Variants in CELSR1 observed in about 807,000 individuals in gnomAD.
CELSR1 encodes the protein cadherin EGF LAG seven-pass G-type receptor 1, also known as adhesion G protein-coupled receptor C1.
A neutral mutation model predicts 249.1 loss-of-function variants in CELSR1; 110 were observed. That is an observed-to-expected ratio of 0.44 (90% CI 0.38 to 0.52). CELSR1 has a LOEUF of 0.52. Ranked by LOEUF, CELSR1 falls within the 20% of genes least tolerant of loss-of-function variation. CELSR1 has a pLI of 0.00. For missense variants in CELSR1, 4,109 were observed against 4,296.4 expected (o/e 0.96, Z 1.22); for synonymous variants, 2,113 against 1,900.0 (o/e 1.11, Z -2.92).
intron 1 of CELSR1, among the ~76,000 whole-genome samples, chr22:46,485,544 G>A (rs1453623181): frequency 1.3e-5 from 2 of 152,220 alleles, no homozygotes; most frequent in East Asian, 1.9e-4. Context: ...TGGAGGATCC[G>A]GGAGAGAAGT....
chr22:46,476,921 T>A (rs1333151289), intron 1 of CELSR1, among the ~76,000 whole-genome samples: 1 of 152,226 alleles, frequency 6.6e-6, no homozygotes, highest in Non-Finnish European at 1.5e-5. Flanking sequence ...AATTTTATCG[T>A]ATGTGAGTTT....
intron 1 of CELSR1, among the ~76,000 whole-genome samples, chr22:46,502,433 A>G (rs60044269): frequency 5.9e-4 from 45 of 75,988 alleles, no homozygotes; most frequent in East Asian, 7.4e-4. Context: ...AGGGAAGGGG[A>G]GGGAAGGGTA....
At chr22:46,442,908 G>A (rs545608224) in intron 2 of CELSR1, among the ~76,000 whole-genome samples, 16 of 152,006 alleles carry the variant, frequency 1.1e-4, no homozygotes, top group East Asian at 3.9e-4. Context: ...TGGCTAACAC[G>A]GTGAAACCCC....
intron 2 of CELSR1, among the ~76,000 whole-genome samples, chr22:46,451,288 G>A (rs1426613779): frequency 6.6e-6 from 1 of 152,238 alleles, no homozygotes; most frequent in African/African-American, 2.4e-5. Flanking sequence ...GGAAGGGGGA[G>A]GCCAGGGGAG....
At chr22:46,392,897 C>T (rs945419262) in intron 14 of CELSR1, among the ~76,000 whole-genome samples, 3 of 152,140 alleles carry the variant, frequency 2.0e-5, no homozygotes, top group Admixed American at 6.5e-5. Context: ...GGCAAGTTTT[C>T]GCCAATGCAC....
At position 46,437,752 on chromosome 22, in the gene CELSR1, C is replaced by CA. The variant is rs766527669; in HGVS notation, c.4406+1436dup. On this transcript the variant is annotated intron_variant, in intron 3 of 34. Transcript: ENST00000674500. This position sits in a 1 kb window ranked among gnomAD's most constrained non-coding sequence, Gnocchi z 4.9. ...CTGGCAACAAAGCAAGACTCCGTCTCAAAAAAAAAAAAAAAACTGATGGTT... is the reference window on the plus strand; with the variant it reads ...CTGGCAACAAAGCAAGACTCCGTCTCAAAAAAAAAAAAAAAAACTGATGGTT... 0.04 allele frequency among the ~76,000 whole-genome samples: 4,426 copies of CA among 110,762 alleles called. 203 individuals carry two copies. The highest frequency in any genetic ancestry group is 0.13 in the African/African-American group (3,896 of 29,406). 72.7% of individuals were successfully genotyped at this position (110,762 alleles called of 152,430 possible).
intron 1 of CELSR1, among the ~76,000 whole-genome samples, chr22:46,528,175 C>T (rs2080757234): frequency 6.6e-6 from 1 of 151,854 alleles, no homozygotes; most frequent in Non-Finnish European, 1.5e-5. Flanking sequence ...TGCATCCAGA[C>T]AATGCCTGAA....
chr22:46,438,317 G>A (rs183751493), intron 3 of CELSR1, among the ~76,000 whole-genome samples: 78 of 152,030 alleles, frequency 5.1e-4, no homozygotes, highest in Non-Finnish European at 5.4e-4. Flanking sequence ...AGAGGAGAAG[G>A]GGCTATGAAA....
rs573603197 is a variant in CELSR1, at chr22:46,389,901, G to A, written c.6346-402C>T. On this transcript the variant is annotated intron_variant, in intron 17 of 34. Transcript: ENST00000674500. ...CGGGAAGCAGAGGTTGCAGCAAGCT[G>A]AGACCGTGCCACTGTCCTCTAGCTT... Among the ~76,000 whole-genome samples, 5 of 152,262 alleles carry A rather than the reference G, an allele frequency of 3.3e-5. No homozygotes were observed. In the South Asian group the frequency reaches 1.0e-3, roughly 32 times the overall value.
chr22:46,442,315 T>C (rs4823546), intron 2 of CELSR1, among the ~76,000 whole-genome samples: 17,845 of 152,288 alleles, frequency 0.12, 1,130 homozygotes, highest in Admixed American at 0.21. Context: ...TCCACTGCCC[T>C]CGCTGGGGCA....
At chr22:46,531,481 C>T (rs1466342530) in intron 1 of CELSR1, among the ~76,000 whole-genome samples, 1 of 152,214 alleles carries the variant, frequency 6.6e-6, no homozygotes, top group Non-Finnish European at 1.5e-5. Flanking sequence ...GCTGGGATTA[C>T]AGGCATGAGC....
chr22:46,491,050 C>T (rs570536401), intron 1 of CELSR1, among the ~76,000 whole-genome samples: 6 of 152,136 alleles, frequency 3.9e-5, no homozygotes, highest in East Asian at 3.9e-4. Flanking sequence ...CATCCATGCT[C>T]GCCAGGTCTC....
rs1370714231 is a variant in CELSR1 at position 46,428,151 on chromosome 22, G to T, written c.4611+5242C>A. On this transcript the variant is annotated intron_variant, in intron 5 of 34. Transcript: ENST00000674500. This position sits in a 1 kb window ranked among gnomAD's most constrained non-coding sequence, Gnocchi z 5.7. ...AACAGAAGCAGAGGCCGGTCCTCCGGTTTGTTGCAACCGGGCCTCATGCTG... is the reference window on the plus strand; with the variant it reads ...AACAGAAGCAGAGGCCGGTCCTCCGTTTTGTTGCAACCGGGCCTCATGCTG... Among the ~76,000 whole-genome samples, 1 of 152,216 alleles carries T rather than the reference G, an allele frequency of 6.6e-6. No homozygotes were observed. The highest frequency in any genetic ancestry group is 2.4e-5 in the African/African-American group (1 of 41,458).
chr22:46,364,693 C>G lies in CELSR1; in HGVS notation c.8598G>C (p.Gln2866His). The change falls in exon 33 of 35, where the codon CAG becomes CAC. Residue 2866 changes from glutamine (Q) to histidine (H), a missense_variant. By Grantham distance (24) the Gln-to-His change is conservative. This residue lies in a region of CELSR1 where 1,805 missense variants were observed against 1,831.6 expected (regional missense o/e 0.99). Coordinates refer to ENST00000674500, the MANE Select transcript of CELSR1 (RefSeq NM_001378328.1). Reference protein sequence around the residue: ...ANHVPAGWPDQSLAESDSEDP... With the variant: ...ANHVPAGWPDHSLAESDSEDP... ...CCTCACTGTCACTCTCAGCCAGGCT[C>G]TGGTCGGGCCAGCCGGCCGGAACGT... The G allele has an allele frequency of 1.2e-6, 2 of 1,612,556 alleles. No individual in the cohort carries two copies. Among genetic ancestry groups the G allele is most frequent in the Non-Finnish European group, 1.7e-6 (2 of 1,179,872 alleles).
intron 1 of CELSR1, among the ~76,000 whole-genome samples, chr22:46,523,560 A>AAATAAATAAAT (rs962927803): frequency 1.4e-5 from 2 of 147,684 alleles, no homozygotes; most frequent in African/African-American, 5.2e-5. Context: ...ATAAATAAAT[A>AAATAAATAAAT]AAATAAAAAG....
Position 46,407,186 on chromosome 22 carries a change from AC to A in CELSR1, c.5226+1809del, listed in dbSNP as rs377174626. On this transcript the variant is annotated intron_variant, in intron 9 of 34. Coordinates refer to ENST00000674500, the MANE Select transcript of CELSR1 (RefSeq NM_001378328.1). The surrounding 1 kb of genome is among the most constrained non-coding windows in gnomAD (Gnocchi z 4.8). ...AGAAGGAAGTCAGTGCTGCTCTGAG[AC>A]CATGTGCACCCAGGTCTCATCACAT... Among the ~76,000 whole-genome samples the A allele has an allele frequency of 1.3e-3, 194 of 152,354 alleles. 5 individuals are homozygous for A. The South Asian group carries it at 0.033, about 26-fold the overall frequency.
At chr22:46,465,176 C>T (rs949047993) in intron 1 of CELSR1, among the ~76,000 whole-genome samples, 4 of 152,034 alleles carry the variant, frequency 2.6e-5, no homozygotes, top group Non-Finnish European at 4.4e-5. Flanking sequence ...GACGGAGCAG[C>T]GGCCCCTGCC....
intron 1 of CELSR1, among the ~76,000 whole-genome samples, chr22:46,516,111 A>G (rs1602232192): frequency 6.6e-6 from 1 of 152,204 alleles, no homozygotes; most frequent in Admixed American, 6.5e-5. Flanking sequence ...TACTGGGTAT[A>G]TACCCAAAGG....
chr22:46,408,467 G>T lies in CELSR1; in HGVS notation c.5226+529C>A, dbSNP rs2084898266. On this transcript the variant is annotated intron_variant, in intron 9 of 34. Transcript: ENST00000674500. This position sits in a 1 kb window ranked among gnomAD's most constrained non-coding sequence, Gnocchi z 4.6. ...CTGCCTCAGCCTCCCAGGTAGCTGGGGTTACAGGCCCCCACTACCAAGCCT... is the reference window on the plus strand; with the variant it reads ...CTGCCTCAGCCTCCCAGGTAGCTGGTGTTACAGGCCCCCACTACCAAGCCT... Among the ~76,000 whole-genome samples, 1 of 152,158 alleles carries T rather than the reference G, an allele frequency of 6.6e-6. No homozygotes were observed. Among genetic ancestry groups the T allele is most frequent in the Non-Finnish European group, 1.5e-5 (1 of 68,028 alleles).
Sources: gnomAD v4.1 joint callset for allele counts (sites outside exome capture counted in the v4.1 genomes callset) on GRCh38, gnomAD v4.1.1 for gene constraint, gnomAD v4.1.1 regional missense constraint, Gnocchi (gnomAD v3.1) non-coding constraint, MANE v1.5 for transcripts, NCBI Gene and HGNC (gene_info 2026-07-23, HGNC 2026-07-21) for gene names.